The following ASIC2 variants were observed in gnomAD, a reference collection of about 807,000 sequenced individuals.
ASIC2 encodes the protein acid sensing ion channel subunit 2.
ASIC2 carries 25 observed loss-of-function variants against 57.3 expected under a neutral mutation model. The observed-to-expected ratio is 0.44, with a 90% CI of 0.32 to 0.61. The LOEUF (loss-of-function observed/expected upper bound fraction) is 0.61. ASIC2 is among the 20% of genes least tolerant of loss of function. ASIC2 has a pLI of 0.06. For synonymous variants in ASIC2, 319 were observed against 307.5 expected, an observed-to-expected ratio of 1.04 and a Z score of -0.39; for missense variants, 641 against 738.1, an observed-to-expected ratio of 0.87 and a Z score of 1.52.
At chr17:33,625,932 A>G (rs184323334) in intron 1 of ASIC2, among the ~76,000 whole-genome samples, 8 of 152,122 alleles carry the variant, frequency 5.3e-5, no homozygotes, top group African/African-American at 1.7e-4. Context: ...CAACCAACCA[A>G]CCTCCTCTTA....
intron 1 of ASIC2, among the ~76,000 whole-genome samples, chr17:33,707,879 G>T (rs1344216429): frequency 9.9e-5 from 15 of 152,178 alleles, no homozygotes; most frequent in Non-Finnish European, 1.5e-4. Flanking sequence ...GACACTATCT[G>T]TAAGACTCTT....
intron 1 of ASIC2, among the ~76,000 whole-genome samples, chr17:33,512,347 G>A (rs1914453219): frequency 6.6e-6 from 1 of 152,214 alleles, no homozygotes; most frequent in Non-Finnish European, 1.5e-5. Context: ...AGGGACAGAA[G>A]CTTCTCCATG....
chr17:33,451,445 T>C (rs548103590), intron 1 of ASIC2, among the ~76,000 whole-genome samples: 47 of 152,218 alleles, frequency 3.1e-4, no homozygotes, highest in Non-Finnish European at 5.9e-4. Context: ...CTATGACCCC[T>C]TCCTCCCTGA....
intron 1 of ASIC2, chr17:34,038,474 G>C: frequency 6.2e-7 from 1 of 1,612,178 alleles, no homozygotes; most frequent in African/African-American, 1.3e-5. Context: ...AATTTTCACA[G>C]CTACGTATCT....
intron 1 of ASIC2, among the ~76,000 whole-genome samples, chr17:33,722,354 T>C (rs1030880350): frequency 1.3e-5 from 2 of 152,218 alleles, no homozygotes; most frequent in African/African-American, 4.8e-5. Context: ...CTTTATAAAT[T>C]ACCCAGTCTC....
At chr17:33,668,792 C>T (rs116293539) in intron 1 of ASIC2, among the ~76,000 whole-genome samples, 2,832 of 152,216 alleles carry the variant, frequency 0.019, 85 homozygotes, top group African/African-American at 0.063. Context: ...GTTGGGACAC[C>T]GTCTGGTATA....
chr17:33,315,844 G>A (rs1328306133), intron 1 of ASIC2, among the ~76,000 whole-genome samples: 1 of 152,186 alleles, frequency 6.6e-6, no homozygotes, highest in Non-Finnish European at 1.5e-5. Flanking sequence ...CCACAGTGGA[G>A]TACTGGCTTT....
intron 1 of ASIC2, among the ~76,000 whole-genome samples, chr17:33,655,922 C>G (rs280047): frequency 0.78 from 118,566 of 152,034 alleles, 46,611 homozygotes; most frequent in African/African-American, 0.87. Flanking sequence ...TCAGTGATCT[C>G]ATTCCTGTTT....
At chr17:33,123,002 G>A (rs562359283) in intron 1 of ASIC2, among the ~76,000 whole-genome samples, 139 of 152,356 alleles carry the variant, frequency 9.1e-4, no homozygotes, top group Admixed American at 3.1e-3. Flanking sequence ...AAGTATTGGT[G>A]AAGACGTAGA....
intron 1 of ASIC2, among the ~76,000 whole-genome samples, chr17:33,411,618 CA>C (rs1447511801): frequency 3.3e-5 from 5 of 152,140 alleles, no homozygotes; most frequent in Non-Finnish European, 5.9e-5. Context: ...GTACAGATAG[CA>C]GTTTGATATT....
At position 33,512,803 on chromosome 17, in the gene ASIC2, C is replaced by T. The variant is rs553631935; in HGVS notation, c.556-400736G>A. ...CAGCACCATCATCTCCAGCAAAAGG[C>T]CTGTCAATATTTACCCATGGGAGGG... On this transcript the variant is annotated intron_variant, in intron 1 of 9. Coordinates refer to the ASIC2 transcript ENST00000359872. 4.6e-5 allele frequency among the ~76,000 whole-genome samples: 7 copies of T among 152,286 alleles called. No individual in the cohort carries two copies. The East Asian group carries it at 1.4e-3, about 29-fold the overall frequency.
upstream of ASIC2, among the ~76,000 whole-genome samples, chr17:33,297,851 T>C (rs1369579530): frequency 2.7e-5 from 4 of 149,272 alleles, no homozygotes; most frequent in African/African-American, 9.8e-5. Context: ...AATAAATAAA[T>C]AAATAAATAA....
chr17:33,780,140 T>G (rs1337080528), intron 1 of ASIC2, among the ~76,000 whole-genome samples: 1 of 151,818 alleles, frequency 6.6e-6, no homozygotes, highest in Admixed American at 6.6e-5. Context: ...CTGCCTAATT[T>G]TTGTATTTTT....
intron 1 of ASIC2, chr17:34,039,943 G>A: frequency 3.0e-6 from 4 of 1,321,362 alleles, no homozygotes; most frequent in Non-Finnish European, 4.3e-6. Context: ...CCCGGCTGCG[G>A]ACCGCTCCGC....
At chr17:33,255,446 A>C (rs769708552) in intron 1 of ASIC2, among the ~76,000 whole-genome samples, 13 of 152,248 alleles carry the variant, frequency 8.5e-5, no homozygotes, top group Non-Finnish European at 1.8e-4. Flanking sequence ...AAAAAGTGTA[A>C]GCTTTAGACT....
chr17:33,708,719 T>C lies in ASIC2; in HGVS notation c.555+447259A>G, dbSNP rs141472723. Among the ~76,000 whole-genome samples the C allele has an allele frequency of 3.7e-3, 565 of 152,290 alleles. 5 individuals are homozygous for C. Among genetic ancestry groups the C allele is most frequent in the Non-Finnish European group, 6.6e-3 (449 of 68,018 alleles). ...GTACCCCACTCCAACGTCACCACTC[T>C]GCACCAACCATCTCCTCCCCTTTCC... is the stretch of plus-strand genomic sequence containing the variant. On this transcript the variant is annotated intron_variant, in intron 1 of 9. Transcript: ENST00000359872.
intron 1 of ASIC2, among the ~76,000 whole-genome samples, chr17:33,626,599 G>A (rs955219466): frequency 1.3e-5 from 2 of 152,228 alleles, no homozygotes; most frequent in East Asian, 1.9e-4. Flanking sequence ...CATTGATAAC[G>A]GTGTCAGGGG....
At chr17:34,065,561 C>A (rs150378500) in intron 1 of ASIC2, among the ~76,000 whole-genome samples, 87 of 152,086 alleles carry the variant, frequency 5.7e-4, no homozygotes, top group African/African-American at 1.9e-3. Flanking sequence ...TATCTGTTTC[C>A]AAAGCCTATA....
chr17:33,233,603 C>T (rs1202595400), intron 1 of ASIC2, among the ~76,000 whole-genome samples: 2 of 151,490 alleles, frequency 1.3e-5, no homozygotes, highest in African/African-American at 4.9e-5. Flanking sequence ...AAAGTCTCCA[C>T]ATCTGCCTTT....
Sources: gnomAD v4.1 joint callset for allele counts (sites outside exome capture counted in the v4.1 genomes callset) on GRCh38, gnomAD v4.1.1 for gene constraint, MANE v1.5 for transcripts, NCBI Gene and HGNC (gene_info 2026-07-23, HGNC 2026-07-21) for gene names.